Variants in MARCHF1 observed in about 807,000 individuals in gnomAD.
MARCHF1 encodes the protein membrane associated ring-CH-type finger 1, also known as E3 ubiquitin-protein ligase MARCHF1.
MARCHF1 carries 40 observed loss-of-function variants against 54.2 expected under a neutral mutation model. The ratio of observed to expected loss-of-function variants is 0.74; its 90% CI spans 0.57 to 0.96. The LOEUF (loss-of-function observed/expected upper bound fraction) is 0.96. MARCHF1 is among the 40% of genes least tolerant of loss of function. The probability of loss-of-function intolerance (pLI) is 0.00; values close to 1 mark genes in which losing one functional copy is unlikely to be tolerated. For synonymous variants in MARCHF1, 236 were observed against 236.3 expected (o/e 1.00, Z 0.01); for missense variants, 586 against 656.5 (o/e 0.89, Z 1.17).
intron 4 of MARCHF1, among the ~76,000 whole-genome samples, chr4:163,730,587 C>G (rs1164088762): frequency 6.6e-6 from 1 of 151,956 alleles, no homozygotes; most frequent in African/African-American, 2.4e-5. Flanking sequence ...TTTTATTATA[C>G]TTTAAGTTCT....
chr4:163,764,466 T>C (rs772056422), intron 4 of MARCHF1, among the ~76,000 whole-genome samples: 14 of 152,112 alleles, frequency 9.2e-5, no homozygotes, highest in African/African-American at 1.2e-4. Flanking sequence ...GATTTGCTAA[T>C]TCTTTGGAGA....
At chr4:164,351,497 G>T (rs1440587558) in intron 1 of MARCHF1, among the ~76,000 whole-genome samples, 21 of 151,710 alleles carry the variant, frequency 1.4e-4, no homozygotes, top group African/African-American at 4.8e-4. Context: ...CCCCAGCAGG[G>T]GCACACTGAC....
intron 4 of MARCHF1, among the ~76,000 whole-genome samples, chr4:163,838,351 T>G (rs1749248454): frequency 6.6e-6 from 1 of 152,094 alleles, no homozygotes; most frequent in Non-Finnish European, 1.5e-5. Flanking sequence ...TATACCATAT[T>G]TTTTAGGGAG....
chr4:164,008,663 G>T (rs1312536640), intron 2 of MARCHF1, among the ~76,000 whole-genome samples: 2 of 151,936 alleles, frequency 1.3e-5, no homozygotes, highest in African/African-American at 4.8e-5. Context: ...AATAAAACTA[G>T]AAATCAATAA....
At chr4:163,560,325 C>A (rs1012435504) in intron 8 of MARCHF1, among the ~76,000 whole-genome samples, 18 of 152,150 alleles carry the variant, frequency 1.2e-4, no homozygotes, top group Non-Finnish European at 1.5e-5. Context: ...TATCGAAAAT[C>A]AGTTGACTGT....
intron 1 of MARCHF1, among the ~76,000 whole-genome samples, chr4:164,354,971 C>T (rs1730476824): frequency 7.5e-6 from 1 of 133,722 alleles, no homozygotes; most frequent in Admixed American, 7.8e-5. Flanking sequence ...ACACCAACAA[C>T]AGACAAACAG....
chr4:163,986,847 T>A (rs1416088241), intron 3 of MARCHF1, among the ~76,000 whole-genome samples: 3 of 152,212 alleles, frequency 2.0e-5, no homozygotes, highest in Admixed American at 2.0e-4. Context: ...CAAGTAGACA[T>A]CTACAGAAAG....
chr4:163,944,049 C>G (rs1751972780), intron 3 of MARCHF1, among the ~76,000 whole-genome samples: 1 of 151,718 alleles, frequency 6.6e-6, no homozygotes, highest in Admixed American at 6.6e-5. Context: ...TCACTGCAAG[C>G]TCCACCTCCC....
intron 2 of MARCHF1, among the ~76,000 whole-genome samples, chr4:164,090,737 C>T (rs1755281026): frequency 1.3e-5 from 2 of 151,942 alleles, no homozygotes; most frequent in South Asian, 4.1e-4. Context: ...GTGGCCCACA[C>T]ATTAATAGGC....
chr4:164,277,672 C>T (rs1198856053), intron 1 of MARCHF1, among the ~76,000 whole-genome samples: 3 of 152,198 alleles, frequency 2.0e-5, no homozygotes, highest in African/African-American at 7.2e-5. Flanking sequence ...TTATTATATG[C>T]TCACATGTCA....
chr4:164,253,907 CAA>C (rs1733193900), intron 1 of MARCHF1, among the ~76,000 whole-genome samples: 1 of 152,070 alleles, frequency 6.6e-6, no homozygotes, highest in Admixed American at 6.6e-5. Flanking sequence ...AAAGCAATCT[CAA>C]AAGTTTGCAT....
At chr4:163,531,113 A>G (rs1738334203) in intron 9 of MARCHF1, among the ~76,000 whole-genome samples, 1 of 151,766 alleles carries the variant, frequency 6.6e-6, no homozygotes. Flanking sequence ...TAGAAGAGAT[A>G]ATACTTCCTA....
intron 1 of MARCHF1, among the ~76,000 whole-genome samples, chr4:164,216,831 T>G (rs916416488): frequency 1.3e-5 from 2 of 152,178 alleles, no homozygotes. Context: ...ACAAACATAA[T>G]AACATTTCCA....
chr4:164,271,406 A>G (rs1733742744), intron 1 of MARCHF1, among the ~76,000 whole-genome samples: 1 of 152,150 alleles, frequency 6.6e-6, no homozygotes, highest in Non-Finnish European at 1.5e-5. Context: ...TTAAAAAGAG[A>G]GAGGAGAGGC....
intron 2 of MARCHF1, among the ~76,000 whole-genome samples, chr4:164,000,662 C>T (rs2110916679): frequency 6.6e-6 from 1 of 151,712 alleles, no homozygotes; most frequent in Non-Finnish European, 1.5e-5. Flanking sequence ...GAAGAAGGAA[C>T]ATTTGAGCAG....
chr4:163,555,955 C>CT, intron 8 of MARCHF1: 1 of 456,230 alleles, frequency 2.2e-6, no homozygotes, highest in Non-Finnish European at 4.4e-6. Context: ...TGCTCGTGTA[C>CT]TAAGCAGAAG....
rs1253856079 is a variant in MARCHF1 at position 163,526,204 on chromosome 4, A to T, written c.*2544T>A. ...TGCTTACCTTTGCTTTTTATTCTAG[A>T]AATGTTTTCTTAGTGTTAAAAGTGT... On this transcript the variant is annotated 3_prime_UTR_variant, in exon 10 of 10. Transcript: ENST00000514618. The T allele has an allele frequency of 6.6e-6, 1 of 152,036 alleles. No individual in the cohort carries two copies. Among genetic ancestry groups the T allele is most frequent in the African/African-American group, 2.4e-5 (1 of 41,362 alleles). The allele number at this position is 152,036 out of a possible 1,614,324, so 9.4% of individuals were successfully genotyped here.
chr4:164,091,886 GTGTGTGTGTCTGTA>G (rs1478601827), intron 2 of MARCHF1, among the ~76,000 whole-genome samples: 1 of 151,494 alleles, frequency 6.6e-6, no homozygotes, highest in Non-Finnish European at 1.5e-5. Flanking sequence ...GTGTGTGTGT[GTGTGTGTGTCTGTA>G]TGTGTGTCTG....
rs200969867 is a variant in MARCHF1, at chr4:163,998,362, A to G, written c.-247-9653T>C. On this transcript the variant is annotated intron_variant, in intron 2 of 9. Coordinates refer to ENST00000514618, the MANE Select transcript of MARCHF1 (RefSeq NM_001394959.1). ...AAAGCAGTAAAGTTCTGGTGTTTTT[A>G]TATTATTTTATATAAATAGCATTAA... Among the ~76,000 whole-genome samples, 307 of 151,580 alleles carry G rather than the reference A, an allele frequency of 2.0e-3. 1 individual carries two copies. The highest frequency in any genetic ancestry group is 7.2e-3 in the African/African-American group (300 of 41,462).
Sources: allele counts gnomAD v4.1 joint callset (sites outside exome capture counted in the v4.1 genomes callset), GRCh38; gene constraint gnomAD v4.1.1; transcripts MANE v1.5; gene names NCBI Gene and HGNC (gene_info 2026-07-23, HGNC 2026-07-21).